The following HIPK2 variants were observed in gnomAD, a reference collection of about 807,000 sequenced individuals.
HIPK2 encodes the protein homeodomain-interacting protein kinase 2.
Under a neutral mutation model 113.7 loss-of-function variants are expected in HIPK2, and 27 were observed. That is an observed-to-expected ratio of 0.24 (90% CI 0.17 to 0.33). The LOEUF (loss-of-function observed/expected upper bound fraction) is 0.33. HIPK2 is among the 10% of genes least tolerant of loss of function. HIPK2 has a pLI of 1.00. For synonymous variants in HIPK2, 631 were observed against 642.2 expected (o/e 0.98, Z 0.26); for missense variants, 1,257 against 1,588.0 (o/e 0.79, Z 3.54).
intron 2 of HIPK2, among the ~76,000 whole-genome samples, chr7:139,639,010 C>G (rs1205917413): frequency 6.6e-6 from 1 of 152,168 alleles, no homozygotes; most frequent in East Asian, 1.9e-4. Flanking sequence ...TCTACTATAC[C>G]TCCTGGAGGG....
intron 1 of HIPK2, among the ~76,000 whole-genome samples, chr7:139,751,263 G>A (rs1228669060): frequency 6.6e-6 from 1 of 152,134 alleles, no homozygotes; most frequent in Non-Finnish European, 1.5e-5. Flanking sequence ...AGCAGACACT[G>A]TAAGTTGCCT....
chr7:139,655,082 A>T (rs1039864636), intron 2 of HIPK2, among the ~76,000 whole-genome samples: 1 of 152,170 alleles, frequency 6.6e-6, no homozygotes, highest in Non-Finnish European at 1.5e-5. Context: ...TGTGGGGGGA[A>T]TTCGCTTGGA....
chr7:139,721,569 C>A (rs1486813778), intron 1 of HIPK2, among the ~76,000 whole-genome samples: 1 of 152,154 alleles, frequency 6.6e-6, no homozygotes, highest in East Asian at 1.9e-4. Flanking sequence ...CTGTATTGAC[C>A]TCTGGACTAG....
chr7:139,573,842 T>C (rs191537639), intron 14 of HIPK2, among the ~76,000 whole-genome samples: 2 of 149,652 alleles, frequency 1.3e-5, no homozygotes, highest in Non-Finnish European at 1.5e-5. Context: ...AGTGAAACTC[T>C]GTCTCAAAAA....
intron 2 of HIPK2, among the ~76,000 whole-genome samples, chr7:139,700,840 C>A (rs1377533948): frequency 6.6e-6 from 1 of 152,054 alleles, no homozygotes; most frequent in African/African-American, 2.4e-5. Flanking sequence ...CCCAGAGCGG[C>A]CTCCTCCTTC....
chr7:139,613,329 C>T lies in HIPK2; in HGVS notation c.1991-6G>A, dbSNP rs1041574780. ...AGAGGGAGAGGCCTGCAAGCCTGTTCCAGACAGTGTGAGGGAGAGAAGGGT... is the reference window on the plus strand; with the variant it reads ...AGAGGGAGAGGCCTGCAAGCCTGTTTCAGACAGTGTGAGGGAGAGAAGGGT... On this transcript the variant is annotated splice_region_variant and splice_polypyrimidine_tract_variant and intron_variant, in intron 8 of 14. Coordinates refer to ENST00000406875, the MANE Select transcript of HIPK2 (RefSeq NM_022740.5). This position sits in a 1 kb window ranked among gnomAD's most constrained non-coding sequence, Gnocchi z 4.2. 1.2e-6 allele frequency: 2 copies of T among 1,612,828 alleles called. No homozygotes were observed. The highest frequency in any genetic ancestry group is 2.7e-5 in the African/African-American group (2 of 74,860).
At chr7:139,777,498 C>T (rs1796798661) in intron 1 of HIPK2, 107 bp downstream of exon 1, 4 of 336,794 alleles carry the variant, frequency 1.2e-5, no homozygotes, top group African/African-American at 4.5e-5. Context: ...CGGGTGGGGG[C>T]TGGGGCAGGC....
chr7:139,747,512 C>T (rs1264256923), intron 1 of HIPK2, among the ~76,000 whole-genome samples: 1 of 152,196 alleles, frequency 6.6e-6, no homozygotes, highest in Non-Finnish European at 1.5e-5. Flanking sequence ...CCATCTCTAT[C>T]GAGCACTAAA....
chr7:139,638,004 C>T (rs1800868120), intron 2 of HIPK2, among the ~76,000 whole-genome samples: 1 of 152,154 alleles, frequency 6.6e-6, no homozygotes, highest in African/African-American at 2.4e-5. Flanking sequence ...GGAGGAGGAA[C>T]AGGAGGGCTA....
At chr7:139,578,052 C>G (rs1358750980) in intron 13 of HIPK2, among the ~76,000 whole-genome samples, 2 of 152,104 alleles carry the variant, frequency 1.3e-5, no homozygotes, top group Non-Finnish European at 2.9e-5. Context: ...CTCTGTCGCC[C>G]AGGCTGGAGT....
chr7:139,611,488 T>C (rs1009756823), intron 9 of HIPK2, among the ~76,000 whole-genome samples: 2 of 152,156 alleles, frequency 1.3e-5, no homozygotes, highest in Admixed American at 6.5e-5. Flanking sequence ...GAAAGAACAT[T>C]TGATATAATT....
chr7:139,579,724 C>A (rs577314953), intron 13 of HIPK2, among the ~76,000 whole-genome samples: 5 of 152,132 alleles, frequency 3.3e-5, no homozygotes, highest in African/African-American at 1.2e-4. Flanking sequence ...AACTCAGAGC[C>A]CCCTGCCCTA....
At chr7:139,776,417 GT>G (rs57657915) in intron 1 of HIPK2, among the ~76,000 whole-genome samples, 12,032 of 146,340 alleles carry the variant, frequency 0.082, 1,494 homozygotes, top group African/African-American at 0.28. Context: ...TTTCTTTTAA[GT>G]TTTTTTTTTT....
chr7:139,576,291 G>C (rs1798488055), intron 13 of HIPK2, among the ~76,000 whole-genome samples: 1 of 152,236 alleles, frequency 6.6e-6, no homozygotes, highest in South Asian at 2.1e-4. Context: ...CAACCCTCCA[G>C]AGGTGACCTC....
chr7:139,672,456 A>C (rs1802337596), intron 2 of HIPK2, among the ~76,000 whole-genome samples: 1 of 152,190 alleles, frequency 6.6e-6, no homozygotes, highest in South Asian at 2.1e-4. Flanking sequence ...ACTTCAAAAA[A>C]AATAATTACA....
chr7:139,723,524 T>C (rs186744492), intron 1 of HIPK2, among the ~76,000 whole-genome samples: 35 of 152,326 alleles, frequency 2.3e-4, no homozygotes, highest in African/African-American at 8.2e-4. Flanking sequence ...AAATGACATT[T>C]GTTAAGGGAC....
intron 2 of HIPK2, among the ~76,000 whole-genome samples, chr7:139,691,596 A>C (rs1794407094): frequency 6.6e-6 from 1 of 152,230 alleles, no homozygotes; most frequent in African/African-American, 2.4e-5. Flanking sequence ...CCTTCACCTC[A>C]TGAGCCCTCA....
intron 9 of HIPK2, among the ~76,000 whole-genome samples, chr7:139,604,746 AG>A (rs1799563374): frequency 6.6e-6 from 1 of 151,512 alleles, no homozygotes; most frequent in Non-Finnish European, 1.5e-5. Context: ...AATTAAGTAC[AG>A]GGACACAGCT....
At chr7:139,751,428 G>T (rs188838956) in intron 1 of HIPK2, among the ~76,000 whole-genome samples, 1 of 152,156 alleles carries the variant, frequency 6.6e-6, no homozygotes, top group Non-Finnish European at 1.5e-5. Context: ...CTGTGCCTGG[G>T]AGTGAATGAT....
Sources: gnomAD v4.1 joint callset for allele counts (sites outside exome capture counted in the v4.1 genomes callset) on GRCh38, gnomAD v4.1.1 for gene constraint, Gnocchi (gnomAD v3.1) non-coding constraint, MANE v1.5 for transcripts, NCBI Gene and HGNC (gene_info 2026-07-23, HGNC 2026-07-21) for gene names.